Variants in PCDHA2 observed in about 807,000 individuals in gnomAD.
PCDHA2 encodes protocadherin alpha-2.
PCDHA2 carries 58 observed loss-of-function variants against 66.0 expected under a neutral mutation model. That is an observed-to-expected ratio of 0.88 (90% CI 0.71 to 1.09). PCDHA2 has a LOEUF of 1.09. Among genes scored for constraint, PCDHA2 ranks in the 50% least tolerant of loss-of-function variants. PCDHA2 has a pLI of 0.00. For missense variants in PCDHA2, 1,267 were observed against 1,242.3 expected, an observed-to-expected ratio of 1.02 and a Z score of -0.30; for synonymous variants, 634 against 554.0, an observed-to-expected ratio of 1.14 and a Z score of -2.03.
intron 1 of PCDHA2, among the ~76,000 whole-genome samples, chr5:140,956,676 G>A (rs1281224695): frequency 5.3e-5 from 8 of 152,126 alleles, no homozygotes; most frequent in Admixed American, 2.0e-4. Flanking sequence ...GAGTTAGGGA[G>A]GAGTACCTCC....
At chr5:140,904,074 T>G (rs2070811489) in intron 1 of PCDHA2, among the ~76,000 whole-genome samples, 1 of 152,214 alleles carries the variant, frequency 6.6e-6, no homozygotes, top group East Asian at 1.9e-4. Flanking sequence ...GGGAACAGTA[T>G]TTGGTTACAT....
At position 140,870,607 on chromosome 5, in the gene PCDHA2, G is replaced by T. The variant is rs782060261; in HGVS notation, c.2388+73255G>T. 15 of 1,613,098 alleles carry T rather than the reference G, an allele frequency of 9.3e-6. No individual in the cohort carries two copies. The Middle Eastern group carries it at 5.1e-4, about 55-fold the overall frequency. ...GGTGGAGCGGCGGTTGGGCGACCGCGCGCTGTCGAGCTACGTGTCGGTGCA... is the reference window on the plus strand; with the variant it reads ...GGTGGAGCGGCGGTTGGGCGACCGCTCGCTGTCGAGCTACGTGTCGGTGCA... On this transcript the variant is annotated intron_variant, in intron 1 of 3. Transcript: ENST00000526136.
At chr5:140,977,813 C>T (rs1347788650) in intron 1 of PCDHA2, among the ~76,000 whole-genome samples, 1 of 152,192 alleles carries the variant, frequency 6.6e-6, no homozygotes, top group Non-Finnish European at 1.5e-5. Flanking sequence ...GAATTATTGA[C>T]AGTTTTGAAT....
chr5:140,997,077 G>T (rs1201538953), intron 3 of PCDHA2, among the ~76,000 whole-genome samples: 3 of 152,062 alleles, frequency 2.0e-5, no homozygotes, highest in Admixed American at 2.0e-4. Flanking sequence ...CAGGAAAGTT[G>T]AGTAGAAAGT....
chr5:140,982,882 C>A (rs1554244920), intron 3 of PCDHA2, among the ~76,000 whole-genome samples: 1 of 151,972 alleles, frequency 6.6e-6, no homozygotes, highest in African/African-American at 2.4e-5. Flanking sequence ...CCAAGCCATG[C>A]AGAGAAGATC....
intron 1 of PCDHA2, among the ~76,000 whole-genome samples, chr5:140,798,535 A>T (rs1401136404): frequency 6.6e-6 from 1 of 152,198 alleles, no homozygotes; most frequent in Non-Finnish European, 1.5e-5. Context: ...TTTCAGTATC[A>T]TTATCATTAG....
At position 140,982,388 on chromosome 5, in the gene PCDHA2, A is replaced by G. The variant is rs868944535; in HGVS notation, c.2448-87A>G. 32 of 1,592,320 alleles carry G rather than the reference A, an allele frequency of 2.0e-5. 1 individual carries two copies. The Middle Eastern group carries it at 4.6e-3, about 226-fold the overall frequency. Reference sequence around the variant, plus strand: ...ATGTGTTAGCTGCAGCCCTGGCTTCATAGTTGTAAGCAATTTCTGAGGGTG... The same window carrying G: ...ATGTGTTAGCTGCAGCCCTGGCTTCGTAGTTGTAAGCAATTTCTGAGGGTG... On this transcript the variant is annotated intron_variant, in intron 2 of 3. Coordinates refer to ENST00000526136, the MANE Select transcript of PCDHA2 (RefSeq NM_018905.3).
intron 1 of PCDHA2, chr5:140,802,943 G>A (rs782074820): frequency 1.2e-6 from 2 of 1,613,866 alleles, no homozygotes; most frequent in Non-Finnish European, 1.7e-6. Context: ...AGCTGGTGCC[G>A]CGGTCAGTGG....
chr5:140,846,135 C>T (rs2150384965), intron 1 of PCDHA2, among the ~76,000 whole-genome samples: 2 of 149,570 alleles, frequency 1.3e-5, no homozygotes, highest in African/African-American at 4.9e-5. Context: ...TGTATGTTTC[C>T]CATATTTAAA....
At chr5:140,834,349 T>A in intron 1 of PCDHA2, 2 of 1,534,320 alleles carry the variant, frequency 1.3e-6, no homozygotes, top group Non-Finnish European at 1.8e-6. Flanking sequence ...CGAAGGCAAG[T>A]TTTGCTGACT....
At position 140,850,653 on chromosome 5, in the gene PCDHA2, G is replaced by T. The variant is rs1472245010; in HGVS notation, c.2388+53301G>T. The T allele has an allele frequency of 2.5e-6, 4 of 1,598,606 alleles. No homozygotes were observed. The African/African-American group carries it at 4.0e-5, about 16-fold the overall frequency. On this transcript the variant is annotated intron_variant, in intron 1 of 3. Transcript: ENST00000526136. Reference sequence around the variant, plus strand: ...GGTTCTCACGCTGCTGCTGTACACTGTGCTGCGGTGCTCGGCGATGCCCAC... The same window carrying T: ...GGTTCTCACGCTGCTGCTGTACACTTTGCTGCGGTGCTCGGCGATGCCCAC...
intron 1 of PCDHA2, among the ~76,000 whole-genome samples, chr5:140,977,050 G>A (rs546385020): frequency 6.6e-6 from 1 of 152,162 alleles, no homozygotes; most frequent in Non-Finnish European, 1.5e-5. Context: ...TGTTGCTGAT[G>A]GACTAGTATA....
chr5:140,858,100 C>T lies in PCDHA2; in HGVS notation c.2388+60748C>T, dbSNP rs368579908. ...AGGCCTCGTCGCGGGCTTCAGTGGG[C>T]GTGGCGCCCGAGGTGGCCCTGGTGG... On this transcript the variant is annotated intron_variant, in intron 1 of 3. Coordinates refer to ENST00000526136, the MANE Select transcript of PCDHA2 (RefSeq NM_018905.3). 202 of 1,597,586 alleles carry T rather than the reference C, an allele frequency of 1.3e-4. 22 individuals are homozygous for T. The highest frequency in any genetic ancestry group is 1.7e-4 in the Non-Finnish European group (196 of 1,167,684).
At chr5:141,006,579 T>C (rs1208750821) in intron 3 of PCDHA2, among the ~76,000 whole-genome samples, 1 of 151,702 alleles carries the variant, frequency 6.6e-6, no homozygotes, top group Non-Finnish European at 1.5e-5. Context: ...GTGTGGAGGG[T>C]TGGAGAGAAG....
At chr5:140,828,128 T>C in intron 1 of PCDHA2, 1 of 1,613,504 alleles carries the variant, frequency 6.2e-7, no homozygotes, top group Non-Finnish European at 8.5e-7. Flanking sequence ...GGGAAAGCAA[T>C]GTCTGCTCCT....
At chr5:140,814,502 A>G (rs1765530866) in intron 1 of PCDHA2, 1 of 152,008 alleles carries the variant, frequency 6.6e-6, no homozygotes, top group African/African-American at 2.4e-5. Flanking sequence ...GTACACTGTA[A>G]AATACCACTA....
intron 1 of PCDHA2, among the ~76,000 whole-genome samples, chr5:140,973,378 A>C (rs1453357452): frequency 6.6e-6 from 1 of 152,238 alleles, no homozygotes; most frequent in Non-Finnish European, 1.5e-5. Context: ...CAATGGTCAG[A>C]ATAGACAAAG....
chr5:140,887,722 T>C (rs1214089693), intron 1 of PCDHA2, among the ~76,000 whole-genome samples: 2 of 152,200 alleles, frequency 1.3e-5, no homozygotes, highest in Non-Finnish European at 2.9e-5. Context: ...AATAGTTTTT[T>C]CTTTCCTTCC....
intron 1 of PCDHA2, chr5:140,829,890 A>G: frequency 2.5e-6 from 4 of 1,613,880 alleles, no homozygotes; most frequent in Non-Finnish European, 3.4e-6. Context: ...GTTGACGCCG[A>G]CTCAGGCTAC....
Sources: allele counts gnomAD v4.1 joint callset (sites outside exome capture counted in the v4.1 genomes callset), GRCh38; gene constraint gnomAD v4.1.1; transcripts MANE v1.5; gene names NCBI Gene and HGNC (gene_info 2026-07-23, HGNC 2026-07-21).